SYT1: variants seen among roughly 807,000 people sequenced by gnomAD.
SYT1 encodes the protein synaptotagmin-1.
SYT1 carries 8 observed loss-of-function variants against 44.8 expected under a neutral mutation model. The ratio of observed to expected loss-of-function variants is 0.18; its 90% CI spans 0.10 to 0.32. The LOEUF (loss-of-function observed/expected upper bound fraction) is 0.32. SYT1 is among the 10% of genes least tolerant of loss of function. The probability of loss-of-function intolerance (pLI) is 1.00; values close to 1 mark genes in which losing one functional copy is unlikely to be tolerated. For synonymous variants in SYT1, 154 were observed against 188.8 expected (o/e 0.82, Z 1.51); for missense variants, 286 against 509.3 (o/e 0.56, Z 4.22).
intron 3 of SYT1, among the ~76,000 whole-genome samples, chr12:79,125,909 GT>G (rs1292642427): frequency 1.3e-5 from 2 of 151,926 alleles, no homozygotes; most frequent in East Asian, 1.9e-4. Context: ...TTCCTTATTT[GT>G]TTTTTTCTTT....
Position 79,353,622 on chromosome 12 carries a change from A to G in SYT1, c.928+3A>G. ...GATGGATGTGGGTGGCTTATCCGGT[A>G]AGCCTGCAGTGTTTATTGATTTTTT... On this transcript the variant is annotated splice_donor_region_variant and intron_variant, in intron 9 of 10. Transcript: ENST00000261205. 6.2e-7 allele frequency: 1 copy of G among 1,605,996 alleles called. No individual in the cohort carries two copies. The highest frequency in any genetic ancestry group is 8.5e-7 in the Non-Finnish European group (1 of 1,172,628).
intron 9 of SYT1, among the ~76,000 whole-genome samples, chr12:79,360,709 T>C (rs909181254): frequency 2.0e-5 from 3 of 152,212 alleles, no homozygotes; most frequent in African/African-American, 7.2e-5. Context: ...CATCATAATT[T>C]TAGGCATGAA....
At chr12:78,973,938 A>AATATAT (rs869290804) in intron 1 of SYT1, among the ~76,000 whole-genome samples, 4 of 25,334 alleles carry the variant, frequency 1.6e-4, no homozygotes, top group South Asian at 1.9e-3. Flanking sequence ...AAAAAAAAAA[A>AATATAT]ATATATATAT....
intron 1 of SYT1, among the ~76,000 whole-genome samples, chr12:78,887,308 A>G (rs1344187785): frequency 2.6e-5 from 4 of 151,962 alleles, no homozygotes; most frequent in Admixed American, 1.3e-4. Flanking sequence ...TATCGGTATT[A>G]CAGTGATTGT....
intron 4 of SYT1, among the ~76,000 whole-genome samples, chr12:79,218,301 C>A (rs377418601): frequency 6.6e-6 from 1 of 152,178 alleles, no homozygotes. Flanking sequence ...AATAATATAT[C>A]TATGGTGTAT....
intron 8 of SYT1, among the ~76,000 whole-genome samples, chr12:79,300,219 G>T (rs964193525): frequency 6.6e-6 from 1 of 152,108 alleles, no homozygotes; most frequent in African/African-American, 2.4e-5. Flanking sequence ...ATAATCAATT[G>T]TATCTGATTA....
intron 3 of SYT1, among the ~76,000 whole-genome samples, chr12:79,070,960 T>C (rs1311231733): frequency 1.3e-5 from 2 of 152,078 alleles, no homozygotes; most frequent in African/African-American, 4.8e-5. Context: ...CTGCAAGTAG[T>C]AAAAAATAGT....
intron 3 of SYT1, among the ~76,000 whole-genome samples, chr12:79,137,085 C>T (rs1249191922): frequency 6.6e-6 from 1 of 151,530 alleles, no homozygotes; most frequent in South Asian, 2.1e-4. Context: ...AAATACTATA[C>T]TTGGAACTTT....
intron 9 of SYT1, among the ~76,000 whole-genome samples, chr12:79,361,251 T>C (rs145039460): frequency 4.7e-4 from 71 of 152,204 alleles, no homozygotes; most frequent in African/African-American, 1.6e-3. Flanking sequence ...CCCTATGAGG[T>C]AGATACTATT....
At chr12:78,941,394 TACACAC>T (rs71441941) in intron 1 of SYT1, among the ~76,000 whole-genome samples, 3,581 of 143,676 alleles carry the variant, frequency 0.025, 43 homozygotes, top group East Asian at 0.066. Context: ...TAATAGAATC[TACACAC>T]ACACACACAC....
At chr12:79,293,410 T>TAAAATAAAA (rs1491415574) in intron 6 of SYT1, among the ~76,000 whole-genome samples, 2 of 66,864 alleles carry the variant, frequency 3.0e-5, no homozygotes, top group African/African-American at 1.1e-4. Context: ...TAAAATAAAA[T>TAAAATAAAA]TAAAAAATCT....
Position 79,348,353 on chromosome 12 carries a change from G to A in SYT1, c.811-5149G>A, listed in dbSNP as rs1446412627. On this transcript the variant is annotated intron_variant, in intron 8 of 10. Coordinates refer to ENST00000261205, the MANE Select transcript of SYT1 (RefSeq NM_005639.3). Reference sequence around the variant, plus strand: ...TGGTCATGGCTTGCCTGGGACTGAGGGGTTTCCCAGGATGCAGGACTTTTA... The same window carrying A: ...TGGTCATGGCTTGCCTGGGACTGAGAGGTTTCCCAGGATGCAGGACTTTTA... Among the ~76,000 whole-genome samples, 3 of 152,126 alleles carry A rather than the reference G, an allele frequency of 2.0e-5. No individual in the cohort carries two copies. In the East Asian group the frequency reaches 5.8e-4, roughly 29 times the overall value.
At chr12:79,312,674 G>T (rs1880867879) in intron 8 of SYT1, among the ~76,000 whole-genome samples, 1 of 151,400 alleles carries the variant, frequency 6.6e-6, no homozygotes, top group South Asian at 2.1e-4. Flanking sequence ...TGATTTTTAA[G>T]ATTTTTTAAG....
chr12:78,979,247 A>G (rs1230186510), intron 2 of SYT1, among the ~76,000 whole-genome samples: 1 of 152,188 alleles, frequency 6.6e-6, no homozygotes, highest in Admixed American at 6.5e-5. Flanking sequence ...TCCTTGCAGT[A>G]TGATTCTTAC....
At chr12:78,883,263 AT>A (rs1188890006) in intron 1 of SYT1, among the ~76,000 whole-genome samples, 2 of 151,598 alleles carry the variant, frequency 1.3e-5, no homozygotes, top group African/African-American at 2.4e-5. Context: ...ATTGTTTGCA[AT>A]TTTTTCCCCA....
chr12:78,878,298 A>T (rs1874280715), intron 1 of SYT1, among the ~76,000 whole-genome samples: 2 of 151,808 alleles, frequency 1.3e-5, no homozygotes, highest in African/African-American at 4.8e-5. Context: ...AGAGTTTTGT[A>T]TTCAAATTAA....
chr12:79,179,470 TAG>T (rs1565842297), intron 3 of SYT1, among the ~76,000 whole-genome samples: 14 of 95,852 alleles, frequency 1.5e-4, no homozygotes, highest in African/African-American at 3.5e-4. Flanking sequence ...TATATAGATA[TAG>T]ATATAGAGAT....
At chr12:79,089,831 AT>A (rs1466571178) in intron 3 of SYT1, among the ~76,000 whole-genome samples, 5 of 152,216 alleles carry the variant, frequency 3.3e-5, no homozygotes, top group Admixed American at 3.3e-4. Flanking sequence ...TTTGAAGAAA[AT>A]ACACTGTAGT....
At chr12:79,322,142 C>T (rs775436706) in intron 8 of SYT1, among the ~76,000 whole-genome samples, 9 of 152,210 alleles carry the variant, frequency 5.9e-5, no homozygotes, top group Non-Finnish European at 1.3e-4. Context: ...ATCACATACA[C>T]TTGACTTCAG....
Sources: gnomAD v4.1 joint callset for allele counts (sites outside exome capture counted in the v4.1 genomes callset) on GRCh38, gnomAD v4.1.1 for gene constraint, MANE v1.5 for transcripts, NCBI Gene and HGNC (gene_info 2026-07-23, HGNC 2026-07-21) for gene names.